The following TENT5A variants were observed in gnomAD, a reference collection of about 807,000 sequenced individuals.
TENT5A encodes terminal nucleotidyltransferase 5A.
A neutral mutation model predicts 30.2 loss-of-function variants in TENT5A; 9 were observed. The observed-to-expected ratio is 0.30, with a 90% CI of 0.18 to 0.52. TENT5A has a LOEUF of 0.52. Ranked by LOEUF, TENT5A falls within the 20% of genes least tolerant of loss-of-function variation. The probability of loss-of-function intolerance (pLI) is 0.97; values close to 1 mark genes in which losing one functional copy is unlikely to be tolerated. For synonymous variants in TENT5A, 264 were observed against 234.2 expected, an observed-to-expected ratio of 1.13 and a Z score of -1.16; for missense variants, 411 against 566.1, an observed-to-expected ratio of 0.73 and a Z score of 2.78.
Position 81,751,889 on chromosome 6 carries a change from G to T in TENT5A, c.253C>A (p.His85Asn). The T allele has an allele frequency of 6.2e-7, 1 of 1,613,248 alleles. No individual in the cohort carries two copies. Among genetic ancestry groups the T allele is most frequent in the South Asian group, 1.1e-5 (1 of 91,086 alleles). ...DGILSETIPI[H>N]GRGNFPTLEL... ...AGCGTGGGGAAGTTGCCGCGCCCGT[G>T]AATCGGAATGGTCTCGCTCAGGATG... Residue 85 changes from histidine to asparagine, a missense_variant, in exon 2 of 3, where the codon CAC becomes AAC. Coordinates refer to ENST00000320172, the MANE Select transcript of TENT5A (RefSeq NM_017633.3).
At position 81,748,958 on chromosome 6, in the gene TENT5A, G is replaced by C; in HGVS notation, c.*737C>G. ...CTCTTCTAATTGGGTATTTTTATCTGTTAAATCTTTGGTCCTTGAGCACAC... is the reference window on the plus strand; with the variant it reads ...CTCTTCTAATTGGGTATTTTTATCTCTTAAATCTTTGGTCCTTGAGCACAC... On this transcript the variant is annotated 3_prime_UTR_variant, in exon 3 of 3. Coordinates refer to ENST00000320172, the MANE Select transcript of TENT5A (RefSeq NM_017633.3). 1 of 985,644 alleles carries C rather than the reference G, an allele frequency of 1.0e-6. No individual in the cohort carries two copies. Among genetic ancestry groups the C allele is most frequent in the Non-Finnish European group, 1.2e-6 (1 of 829,824 alleles). The allele number at this position is 985,644 out of a possible 1,614,324, so 61.1% of individuals were successfully genotyped here.
Position 81,752,042 on chromosome 6 carries a change from C to CTAGGG in TENT5A, c.99_100insCCCTA (p.Gly34ProfsTer2). ...AAGTCGCCGCCGCCGAAGTCGCCGCCGCCGAAGTCGCCGCCGCCGAAGTCG... is the reference window on the plus strand; with the variant it reads ...AAGTCGCCGCCGCCGAAGTCGCCGCCTAGGGGCCGAAGTCGCCGCCGCCGAAGTCG... On this transcript the variant is annotated frameshift_variant, in exon 2 of 3. Transcript: ENST00000320172. LOFTEE classifies it high-confidence loss of function. 1 of 1,601,762 alleles carries CTAGGG rather than the reference C, an allele frequency of 6.2e-7. No individual in the cohort carries two copies. The highest frequency in any genetic ancestry group is 8.5e-7 in the Non-Finnish European group (1 of 1,175,094).
rs777931298 is a variant in TENT5A at position 81,746,989 on chromosome 6, A to G, written c.*2706T>C. ...ATAGGTGCCAGGTGCTGGCACTTCC[A>G]ACTAAGCTACCAACCCTGAAGTAAG... On this transcript the variant is annotated 3_prime_UTR_variant, in exon 3 of 3. Transcript: ENST00000320172. 1.0e-6 allele frequency: 1 copy of G among 989,430 alleles called. No individual in the cohort carries two copies. The highest frequency in any genetic ancestry group is 5.1e-4 in the Middle Eastern group (1 of 1,952). 61.3% of individuals were successfully genotyped at this position (989,430 alleles called of 1,614,324 possible).
chr6:81,747,249 T>C lies in TENT5A; in HGVS notation c.*2446A>G. 3.0e-6 allele frequency: 3 copies of C among 985,658 alleles called. No individual in the cohort carries two copies. The highest frequency in any genetic ancestry group is 3.6e-6 in the Non-Finnish European group (3 of 829,922). The allele number at this position is 985,658 out of a possible 1,614,324, so 61.1% of individuals were successfully genotyped here. ...TCCCCTAGTTTTCTTTCAGAAAACT[T>C]TGAAACAACTAAGCAGGCGGAGCTC... is the stretch of plus-strand genomic sequence containing the variant. On this transcript the variant is annotated 3_prime_UTR_variant, in exon 3 of 3. Transcript: ENST00000320172.
chr6:81,749,787 C>CT lies in TENT5A; in HGVS notation c.1236dup (p.Asp413ArgfsTer5). On this transcript the variant is annotated frameshift_variant, in exon 3 of 3. Coordinates refer to ENST00000320172, the MANE Select transcript of TENT5A (RefSeq NM_017633.3). LOFTEE classifies it high-confidence loss of function. ...ATGTAGTAATTGCTAAAGTTGGCAT[C>CT]TGCTACATAGGGGGCTGGCTGGTAA... is the stretch of plus-strand genomic sequence containing the variant. 6.2e-7 allele frequency: 1 copy of CT among 1,614,090 alleles called. No homozygotes were observed.
In TENT5A at chr6:81,746,595, A is replaced by AAAGGTTTTTTTT; in HGVS notation, c.*3099_*3100insAAAAAAAACCTT. ...TTTACTGCAAATTAAGTAAACCTTT[A>AAAGGTTTTTTTT]AAAACGGCATTGTCACAGGCTATGT... On this transcript the variant is annotated 3_prime_UTR_variant, in exon 3 of 3. Coordinates refer to ENST00000320172, the MANE Select transcript of TENT5A (RefSeq NM_017633.3). 2.4e-6 allele frequency: 3 copies of AAAGGTTTTTTTT among 1,232,080 alleles called. No homozygotes were observed. The Admixed American group carries it at 1.3e-4, about 52-fold the overall frequency. 76.3% of individuals were successfully genotyped at this position (1,232,080 alleles called of 1,614,324 possible).
In TENT5A at chr6:81,749,033, G is replaced by A. The variant is rs1347239293; in HGVS notation, c.*662C>T. 2 of 985,692 alleles carry A rather than the reference G, an allele frequency of 2.0e-6. No individual in the cohort carries two copies. The highest frequency in any genetic ancestry group is 3.5e-5 in the African/African-American group (2 of 57,320). The allele number at this position is 985,692 out of a possible 1,614,324, so 61.1% of individuals were successfully genotyped here. A position where few individuals can be genotyped will look rare whatever the true frequency, so the allele number is the denominator to read the frequency against. On this transcript the variant is annotated 3_prime_UTR_variant, in exon 3 of 3. Coordinates refer to ENST00000320172, the MANE Select transcript of TENT5A (RefSeq NM_017633.3). ...TTGCATTTTTACATTTTAAAAATGT[G>A]ATCTATGCACGCAGCTGGAATTAAT...
rs1769049299 is a variant in TENT5A at position 81,752,010 on chromosome 6, A to ACCGCCTAAGTCGCCG, written c.131_132insCGGCGACTTAGGCGG (p.Gly45_Gly46insAspLeuGlyGlyGly). On this transcript the variant is annotated inframe_insertion, in exon 2 of 3. Transcript: ENST00000320172. Reference sequence around the variant, plus strand: ...AGCAATGCCCACCGAAGCTGCCGCCACCGCCGAAGTCGCCGCCGCCGAAGT... The same window carrying ACCGCCTAAGTCGCCG: ...AGCAATGCCCACCGAAGCTGCCGCCACCGCCTAAGTCGCCGCCGCCGAAGTCGCCGCCGCCGAAGT... The ACCGCCTAAGTCGCCG allele has an allele frequency of 8.2e-6, 11 of 1,341,592 alleles. No individual in the cohort carries two copies. The highest frequency in any genetic ancestry group is 1.1e-5 in the Non-Finnish European group (11 of 969,782). 83.1% of individuals were successfully genotyped at this position (1,341,592 alleles called of 1,614,324 possible).
chr6:81,749,479 G>C lies in TENT5A; in HGVS notation c.*216C>G. 1 of 1,314,516 alleles carries C rather than the reference G, an allele frequency of 7.6e-7. No individual in the cohort carries two copies. The highest frequency in any genetic ancestry group is 9.7e-7 in the Non-Finnish European group (1 of 1,035,140). 81.4% of individuals were successfully genotyped at this position (1,314,516 alleles called of 1,614,324 possible). ...TGCAGGATAGAATCCAATTGGGTAG[G>C]AGAATAAGAGAAGGGAAAAGGATCC... On this transcript the variant is annotated 3_prime_UTR_variant, in exon 3 of 3. Transcript: ENST00000320172.
chr6:81,752,061 G>A lies in TENT5A; in HGVS notation c.81C>T (p.Phe27=), dbSNP rs557092899. ...CSPYIPLGGD[F]GGGDFGGGDF... ...CGCCGCCGCCGAAGTCGCCGCCGCCGAAGTCGCCGCCTAGGGGGATGTAGG... is the reference window on the plus strand; with the variant it reads ...CGCCGCCGCCGAAGTCGCCGCCGCCAAAGTCGCCGCCTAGGGGGATGTAGG... Residue 27 remains phenylalanine, a synonymous_variant, in exon 2 of 3, where the codon TTC becomes TTT. Transcript: ENST00000320172. 6.9e-6 allele frequency: 11 copies of A among 1,594,578 alleles called. No individual in the cohort carries two copies. The African/African-American group carries it at 1.2e-4, about 18-fold the overall frequency.
Position 81,746,266 on chromosome 6 carries a change from T to G in TENT5A, c.*3429A>C. ...ACAACAAAAAAGCTTATTTTTGAAC[T>G]GACAGCTTTCAACATAATACATTTC... is the stretch of plus-strand genomic sequence containing the variant. On this transcript the variant is annotated 3_prime_UTR_variant, in exon 3 of 3. Coordinates refer to ENST00000320172, the MANE Select transcript of TENT5A (RefSeq NM_017633.3). The G allele has an allele frequency of 8.5e-7, 1 of 1,181,570 alleles. No individual in the cohort carries two copies. The highest frequency in any genetic ancestry group is 1.0e-6 in the Non-Finnish European group (1 of 956,912). The allele number at this position is 1,181,570 out of a possible 1,614,324, so 73.2% of individuals were successfully genotyped here. A position where few individuals can be genotyped will look rare whatever the true frequency, so the allele number is the denominator to read the frequency against.
chr6:81,748,057 T>C lies in TENT5A; in HGVS notation c.*1638A>G, dbSNP rs1261399056. The C allele has an allele frequency of 7.3e-6, 7 of 962,688 alleles. No homozygotes were observed. The highest frequency in any genetic ancestry group is 1.8e-5 in the African/African-American group (1 of 56,670). The allele number at this position is 962,688 out of a possible 1,614,324, so 59.6% of individuals were successfully genotyped here. Reference sequence around the variant, plus strand: ...AATGTTATATATAATATATATCTCATATATAAATTTTAAGCAATTGTGCAA... The same window carrying C: ...AATGTTATATATAATATATATCTCACATATAAATTTTAAGCAATTGTGCAA... On this transcript the variant is annotated 3_prime_UTR_variant, in exon 3 of 3. Transcript: ENST00000320172.
rs139226849 is a variant in TENT5A at position 81,750,385 on chromosome 6, A to G, written c.639T>C (p.Asn213=). ...LISLSNNSGK[N]VELKFVDSLR... is the part of the protein sequence containing the mutation. The stretch of plus-strand genomic sequence containing the variant: ...GGGAATCCACAAATTTCAGTTCCAC[A>G]TTTTTGCCACTGTTGTTTGACAGGG... The change falls in exon 3 of 3, where the codon AAT becomes AAC. Residue 213 remains asparagine, a synonymous_variant. Transcript: ENST00000320172. The surrounding 1 kb of genome is among the most constrained non-coding windows in gnomAD (Gnocchi z 4.2). The G allele has an allele frequency of 2.5e-6, 4 of 1,613,424 alleles. No individual in the cohort carries two copies. Among genetic ancestry groups the G allele is most frequent in the African/African-American group, 1.3e-5 (1 of 74,886 alleles).
Position 81,749,546 on chromosome 6 carries a change from CT to C in TENT5A, c.*148del. 1 of 1,401,668 alleles carries C rather than the reference CT, an allele frequency of 7.1e-7. No individual in the cohort carries two copies. The allele number at this position is 1,401,668 out of a possible 1,614,324, so 86.8% of individuals were successfully genotyped here. ...CCACATCTATTAAAAGATACATAAG[CT>C]TTGCCAAACTTAAAACCAGGAGCAT... On this transcript the variant is annotated 3_prime_UTR_variant, in exon 3 of 3. Transcript: ENST00000320172.
In TENT5A at chr6:81,747,016, A is replaced by C; in HGVS notation, c.*2679T>G. ...CTAAGCTACCAACCCTGAAGTAAGCAAGAAAAGAATATAAATATTTAAGAA... is the reference window on the plus strand; with the variant it reads ...CTAAGCTACCAACCCTGAAGTAAGCCAGAAAAGAATATAAATATTTAAGAA... On this transcript the variant is annotated 3_prime_UTR_variant, in exon 3 of 3. Transcript: ENST00000320172. 1 of 985,918 alleles carries C rather than the reference A, an allele frequency of 1.0e-6. No individual in the cohort carries two copies. Among genetic ancestry groups the C allele is most frequent in the Non-Finnish European group, 1.2e-6 (1 of 830,024 alleles). The allele number at this position is 985,918 out of a possible 1,614,324, so 61.1% of individuals were successfully genotyped here. A position where few individuals can be genotyped will look rare whatever the true frequency, so the allele number is the denominator to read the frequency against.
intron 2 of TENT5A, among the ~76,000 whole-genome samples, chr6:81,751,121 G>A (rs190163339): frequency 6.6e-6 from 1 of 152,174 alleles, no homozygotes; most frequent in Non-Finnish European, 1.5e-5. Context: ...CCTTTAACAC[G>A]TAGTCAGCTG....
In TENT5A at chr6:81,751,896, A is replaced by C. The variant is rs935859079; in HGVS notation, c.246T>G (p.Ile82Met). ...GGAAGTTGCCGCGCCCGTGAATCGG[A>C]ATGGTCTCGCTCAGGATGCCGTCCA... ...QRLDGILSETIPIHGRGNFPT... is the reference protein window; with the variant it reads ...QRLDGILSETMPIHGRGNFPT... Residue 82 changes from isoleucine (I) to methionine (M), a missense_variant, in exon 2 of 3, where the codon ATT (isoleucine) becomes ATG (methionine). This residue lies in a region of TENT5A where 157 missense variants were observed against 183.2 expected (regional missense o/e 0.86). Transcript: ENST00000320172. 5 of 1,613,052 alleles carry C rather than the reference A, an allele frequency of 3.1e-6. No individual in the cohort carries two copies. Among genetic ancestry groups the C allele is most frequent in the Non-Finnish European group, 4.2e-6 (5 of 1,179,918 alleles).
Position 81,746,506 on chromosome 6 carries a change from T to C in TENT5A, c.*3189A>G, listed in dbSNP as rs1011729168. 9.7e-6 allele frequency: 12 copies of C among 1,232,018 alleles called. No individual in the cohort carries two copies. Among genetic ancestry groups the C allele is most frequent in the African/African-American group, 7.8e-5 (5 of 64,430 alleles). 76.3% of individuals were successfully genotyped at this position (1,232,018 alleles called of 1,614,324 possible). ...TCCATCCAATACCAAAGTGAGCAGA[T>C]ACTTGATCCCATTTCTGGAAAGGAA... On this transcript the variant is annotated 3_prime_UTR_variant, in exon 3 of 3. Coordinates refer to ENST00000320172, the MANE Select transcript of TENT5A (RefSeq NM_017633.3).
Position 81,752,480 on chromosome 6 carries a change from A to G in TENT5A, c.-87T>C. 4 of 1,541,356 alleles carry G rather than the reference A, an allele frequency of 2.6e-6. No homozygotes were observed. The highest frequency in any genetic ancestry group is 2.6e-6 in the Non-Finnish European group (3 of 1,139,024). On this transcript the variant is annotated 5_prime_UTR_variant, in exon 1 of 3. Transcript: ENST00000320172. ...AGCGCAGCGAGCGAGAGCGAAACCGAGAGGCGGCAACACTTCCAGGAGCTG... is the reference window on the plus strand; with the variant it reads ...AGCGCAGCGAGCGAGAGCGAAACCGGGAGGCGGCAACACTTCCAGGAGCTG...
Sources: gnomAD v4.1 joint callset for allele counts (sites outside exome capture counted in the v4.1 genomes callset) on GRCh38, gnomAD v4.1.1 for gene constraint, gnomAD v4.1.1 regional missense constraint, Gnocchi (gnomAD v3.1) non-coding constraint, MANE v1.5 for transcripts, NCBI Gene and HGNC (gene_info 2026-07-23, HGNC 2026-07-21) for gene names.